Variants in MYRIP observed in about 807,000 individuals in gnomAD.
The protein encoded by MYRIP is myosin VIIA and Rab interacting protein.
MYRIP carries 49 observed loss-of-function variants against 98.0 expected under a neutral mutation model. The ratio of observed to expected loss-of-function variants is 0.50; its 90% CI spans 0.40 to 0.63. The LOEUF is 0.63. Among genes scored for constraint, MYRIP ranks in the 30% least tolerant of loss-of-function variants. The pLI is 0.00. For missense variants in MYRIP, 1,004 were observed against 1,058.2 expected (o/e 0.95, Z 0.71); for synonymous variants, 404 against 409.5 (o/e 0.99, Z 0.16).
intron 1 of MYRIP, among the ~76,000 whole-genome samples, chr3:39,844,924 T>C (rs929633416): frequency 6.6e-6 from 1 of 152,240 alleles, no homozygotes; most frequent in African/African-American, 2.4e-5. Flanking sequence ...CTCTGCCACC[T>C]GGACTTGCTA....
chr3:40,134,895 T>A (rs1949729674), intron 3 of MYRIP, among the ~76,000 whole-genome samples: 1 of 151,932 alleles, frequency 6.6e-6, no homozygotes, highest in Admixed American at 6.6e-5. Flanking sequence ...GTCACCATCA[T>A]CAAAAACGAA....
chr3:39,851,952 A>T (rs1220206025), intron 1 of MYRIP, among the ~76,000 whole-genome samples: 1 of 152,166 alleles, frequency 6.6e-6, no homozygotes, highest in East Asian at 1.9e-4. Context: ...TAGAATATAG[A>T]TCTATAGAGA....
At chr3:39,842,047 C>A (rs368519770) in intron 1 of MYRIP, among the ~76,000 whole-genome samples, 1 of 152,280 alleles carries the variant, frequency 6.6e-6, no homozygotes, top group East Asian at 1.9e-4. Flanking sequence ...TCTGCTGAAG[C>A]TGTGCCCACA....
rs1449042176 is a variant in MYRIP, at chr3:39,942,829, CTCTGGTAATTACCAATCTA to C, written c.110+41905_110+41923del. On this transcript the variant is annotated intron_variant, in intron 2 of 16. Transcript: ENST00000302541. ...TCTCCCTCTACTATCTCCTTCCCAGCTCTGGTAATTACCAATCTATTCTCTATCTTTATGAAATTCGCTT... is the reference window on the plus strand; with the variant it reads ...TCTCCCTCTACTATCTCCTTCCCAGCTTCTCTATCTTTATGAAATTCGCTT... Among the ~76,000 whole-genome samples, 7 of 152,226 alleles carry C rather than the reference CTCTGGTAATTACCAATCTA, an allele frequency of 4.6e-5. No individual in the cohort carries two copies. In the East Asian group the frequency reaches 1.4e-3, roughly 29 times the overall value.
In MYRIP at chr3:40,204,142, T is replaced by C. The variant is rs1466785157; in HGVS notation, c.1666-5712T>C. On this transcript the variant is annotated intron_variant, in intron 10 of 16. Transcript: ENST00000302541. ...ATATAGAGTATTATATAATATATTATATAATATATAAATATATAATATAAT... is the reference window on the plus strand; with the variant it reads ...ATATAGAGTATTATATAATATATTACATAATATATAAATATATAATATAAT... 1.2e-3 allele frequency among the ~76,000 whole-genome samples: 50 copies of C among 40,086 alleles called. 7 individuals are homozygous for C. Among genetic ancestry groups the C allele is most frequent in the African/African-American group, 4.2e-3 (50 of 11,940 alleles). The allele number at this position is 40,086 out of a possible 152,430, so 26.3% of individuals were successfully genotyped here.
intron 3 of MYRIP, among the ~76,000 whole-genome samples, chr3:40,048,567 CCAGA>C (rs1391269190): frequency 6.6e-6 from 1 of 151,998 alleles, no homozygotes; most frequent in Non-Finnish European, 1.5e-5. Context: ...AGGAGAGGAC[CCAGA>C]CAGTGTCAAG....
At chr3:39,836,257 G>A (rs913034768) in intron 1 of MYRIP, among the ~76,000 whole-genome samples, 9 of 152,078 alleles carry the variant, frequency 5.9e-5, no homozygotes, top group African/African-American at 1.9e-4. Flanking sequence ...CAGCATCTTT[G>A]TTTCCTGACT....
At chr3:40,016,847 T>C (rs1312726712) in intron 2 of MYRIP, among the ~76,000 whole-genome samples, 1 of 152,184 alleles carries the variant, frequency 6.6e-6, no homozygotes, top group African/African-American at 2.4e-5. Flanking sequence ...TTGCCATATA[T>C]CATGGCTCAG....
chr3:39,879,688 C>G (rs976844082), intron 1 of MYRIP, among the ~76,000 whole-genome samples: 2 of 152,174 alleles, frequency 1.3e-5, no homozygotes, highest in African/African-American at 4.8e-5. Context: ...TTAAGACCCT[C>G]TAACTTGTTG....
chr3:40,176,908 C>CAAAAA (rs143992737), intron 8 of MYRIP, among the ~76,000 whole-genome samples: 4 of 109,130 alleles, frequency 3.7e-5, no homozygotes, highest in Non-Finnish European at 6.9e-5. Context: ...AACTCCATCT[C>CAAAAA]AAAAAAAAAA....
chr3:39,842,670 A>G (rs1206864117), intron 1 of MYRIP, among the ~76,000 whole-genome samples: 3 of 152,092 alleles, frequency 2.0e-5, no homozygotes, highest in African/African-American at 7.2e-5. Context: ...AATGCATGGT[A>G]CCTCATGGCA....
chr3:39,956,513 A>C (rs1323521856), intron 2 of MYRIP, among the ~76,000 whole-genome samples: 1 of 152,268 alleles, frequency 6.6e-6, no homozygotes, highest in African/African-American at 2.4e-5. Flanking sequence ...AGAATCTCTG[A>C]GACACATTCA....
At chr3:39,888,907 A>G (rs944784450) in intron 1 of MYRIP, among the ~76,000 whole-genome samples, 6 of 152,182 alleles carry the variant, frequency 3.9e-5, no homozygotes, top group African/African-American at 1.4e-4. Context: ...ACATTTATGC[A>G]GCCAAAAAAC....
chr3:40,090,447 G>A (rs1271400331), intron 3 of MYRIP, among the ~76,000 whole-genome samples: 2 of 152,200 alleles, frequency 1.3e-5, no homozygotes, highest in Admixed American at 6.5e-5. Context: ...ACCATCTGGT[G>A]TGGGGTGTGA....
intron 1 of MYRIP, among the ~76,000 whole-genome samples, 199 bp downstream of exon 1, chr3:39,810,115 T>G (rs1224171696): frequency 3.3e-5 from 5 of 152,244 alleles, no homozygotes; most frequent in Non-Finnish European, 7.3e-5. Flanking sequence ...GCGCGGGTAC[T>G]TGAACTTGCT....
chr3:40,101,872 T>G (rs1369718395), intron 3 of MYRIP, among the ~76,000 whole-genome samples: 4 of 152,210 alleles, frequency 2.6e-5, no homozygotes, highest in African/African-American at 9.6e-5. Flanking sequence ...GACTGGCAGT[T>G]TACCTTTAAT....
chr3:40,031,313 T>G (rs2125818409), intron 2 of MYRIP, among the ~76,000 whole-genome samples: 1 of 152,192 alleles, frequency 6.6e-6, no homozygotes, highest in East Asian at 1.9e-4. Flanking sequence ...AACATCACAC[T>G]GGGGGTTAGT....
intron 3 of MYRIP, among the ~76,000 whole-genome samples, chr3:40,128,283 T>C (rs1160798821): frequency 6.6e-6 from 1 of 152,174 alleles, no homozygotes; most frequent in Non-Finnish European, 1.5e-5. Flanking sequence ...GGCAGCAGGC[T>C]AGACAACATA....
chr3:40,190,475 G>T lies in MYRIP; in HGVS notation c.1665+12G>T. ...TAGACACACATCAGGTAATGGAAGTGCATGCGTGCAAATGCACACACACTC... is the reference window on the plus strand; with the variant it reads ...TAGACACACATCAGGTAATGGAAGTTCATGCGTGCAAATGCACACACACTC... On this transcript the variant is annotated intron_variant, in intron 10 of 16. Transcript: ENST00000302541. The T allele has an allele frequency of 2.6e-6, 4 of 1,564,336 alleles. No homozygotes were observed. Among genetic ancestry groups the T allele is most frequent in the South Asian group, 1.2e-5 (1 of 82,172 alleles).
Sources: allele counts gnomAD v4.1 joint callset (sites outside exome capture counted in the v4.1 genomes callset), GRCh38; gene constraint gnomAD v4.1.1; transcripts MANE v1.5; gene names NCBI Gene and HGNC (gene_info 2026-07-23, HGNC 2026-07-21).